L3MBTL3: variants seen among roughly 807,000 people sequenced by gnomAD.
The protein encoded by L3MBTL3 is L3MBTL histone methyl-lysine binding protein 3.
In L3MBTL3, 27 loss-of-function variants were observed where a neutral mutation model predicts 102.3. That is an observed-to-expected ratio of 0.26 (90% CI 0.19 to 0.36). The LOEUF (loss-of-function observed/expected upper bound fraction) is 0.36, where lower values mean the gene tolerates loss of function less well. L3MBTL3 is among the 10% of genes least tolerant of loss of function. The pLI is 1.00. For synonymous variants in L3MBTL3, 340 were observed against 320.9 expected, an observed-to-expected ratio of 1.06 and a Z score of -0.64; for missense variants, 798 against 955.3, an observed-to-expected ratio of 0.84 and a Z score of 2.17.
intron 16 of L3MBTL3, among the ~76,000 whole-genome samples, chr6:130,090,631 TG>T (rs1783985342): frequency 6.6e-6 from 1 of 152,226 alleles, no homozygotes; most frequent in African/African-American, 2.4e-5. Flanking sequence ...GGTCTCACTC[TG>T]TCGCCTAGGC....
At chr6:130,117,684 T>G (rs972827161) in intron 19 of L3MBTL3, among the ~76,000 whole-genome samples, 9 of 152,214 alleles carry the variant, frequency 5.9e-5, no homozygotes, top group Admixed American at 2.0e-4. Flanking sequence ...GGTTGTCCAA[T>G]TGAATAAACA....
At chr6:130,096,068 A>G (rs1433782806) in intron 18 of L3MBTL3, among the ~76,000 whole-genome samples, 1 of 152,226 alleles carries the variant, frequency 6.6e-6, no homozygotes, top group Non-Finnish European at 1.5e-5. Flanking sequence ...ATTGCTTTAC[A>G]TATCTTGGAT....
intron 16 of L3MBTL3, among the ~76,000 whole-genome samples, chr6:130,090,471 G>A (rs752625277): frequency 1.3e-5 from 2 of 152,128 alleles, no homozygotes; most frequent in Non-Finnish European, 2.9e-5. Flanking sequence ...ACCAGCTGTA[G>A]GAATTACCAA....
intron 16 of L3MBTL3, among the ~76,000 whole-genome samples, chr6:130,089,838 G>GC (rs1491288285): frequency 9.7e-5 from 8 of 82,388 alleles, no homozygotes; most frequent in Non-Finnish European, 2.6e-4. Flanking sequence ...ATTTTTCACA[G>GC]CAAAAAAAAA....
At chr6:130,036,499 T>C (rs1478737116) in intron 2 of L3MBTL3, among the ~76,000 whole-genome samples, 2 of 152,234 alleles carry the variant, frequency 1.3e-5, no homozygotes, top group Non-Finnish European at 2.9e-5. Context: ...TCATTAGTAC[T>C]GTTTCATACA....
intron 1 of L3MBTL3, among the ~76,000 whole-genome samples, chr6:130,020,975 A>G (rs1180541838): frequency 1.3e-5 from 2 of 151,612 alleles, no homozygotes; most frequent in Admixed American, 1.3e-4. Context: ...GATGAGAAAT[A>G]AGAATTTGGG....
At chr6:130,056,840 C>T (rs1781541249) in intron 8 of L3MBTL3, among the ~76,000 whole-genome samples, 1 of 152,170 alleles carries the variant, frequency 6.6e-6, no homozygotes, top group South Asian at 2.1e-4. Flanking sequence ...AAGTACCTTT[C>T]TCTCAGCTTT....
intron 22 of L3MBTL3, among the ~76,000 whole-genome samples, chr6:130,139,296 G>A: frequency 6.6e-6 from 1 of 152,082 alleles, no homozygotes; most frequent in East Asian, 1.9e-4. Flanking sequence ...TAGACTTTGG[G>A]CATCCTGGAT....
At chr6:130,115,889 G>A (rs1785639832) in intron 19 of L3MBTL3, among the ~76,000 whole-genome samples, 2 of 152,186 alleles carry the variant, frequency 1.3e-5, no homozygotes, top group African/African-American at 4.8e-5. Flanking sequence ...AAGAGAAATT[G>A]CTGTTTTCCA....
chr6:130,069,469 T>A (rs1387565148), intron 12 of L3MBTL3, among the ~76,000 whole-genome samples: 1 of 152,238 alleles, frequency 6.6e-6, no homozygotes, highest in Non-Finnish European at 1.5e-5. Context: ...ATTACAGAAC[T>A]GACACATTGT....
chr6:130,066,335 C>T lies in L3MBTL3; in HGVS notation c.865-18C>T, dbSNP rs956111784. ...TCTGAGTTAAAAAAAATAATTCAAC[C>T]TATTTTACCTGTTTCAGGTTTGTGG... On this transcript the variant is annotated intron_variant, in intron 10 of 22. Transcript: ENST00000361794. 2.9e-6 allele frequency: 4 copies of T among 1,387,968 alleles called. No homozygotes were observed. In the African/African-American group the frequency reaches 4.5e-5, roughly 16 times the overall value. The allele number at this position is 1,387,968 out of a possible 1,614,324, so 86.0% of individuals were successfully genotyped here. A position where few individuals can be genotyped will look rare whatever the true frequency, so the allele number is the denominator to read the frequency against.
At chr6:130,061,975 G>A (rs949355304) in intron 10 of L3MBTL3, among the ~76,000 whole-genome samples, 6 of 152,132 alleles carry the variant, frequency 3.9e-5, no homozygotes, top group Non-Finnish European at 7.4e-5. Flanking sequence ...TGTGTCTTGC[G>A]CCATGGCAAC....
intron 20 of L3MBTL3, among the ~76,000 whole-genome samples, chr6:130,128,665 T>A (rs1786787654): frequency 1.3e-5 from 2 of 152,146 alleles, no homozygotes; most frequent in South Asian, 4.1e-4. Flanking sequence ...TAACTGACTT[T>A]GAGATGATTG....
At chr6:130,088,666 TCCCACTCCCCAG>T (rs1182288376) in intron 16 of L3MBTL3, among the ~76,000 whole-genome samples, 1 of 152,166 alleles carries the variant, frequency 6.6e-6, no homozygotes, top group African/African-American at 2.4e-5. Context: ...CCTCATTCCT[TCCCACTCCCCAG>T]CCTGGCTCCC....
At chr6:130,107,008 T>A (rs1785024103) in intron 19 of L3MBTL3, among the ~76,000 whole-genome samples, 1 of 152,198 alleles carries the variant, frequency 6.6e-6, no homozygotes, top group Admixed American at 6.5e-5. Flanking sequence ...ATCAGAGGTG[T>A]CCATGTCTAA....
chr6:130,086,444 TTTAG>T (rs1237307721), intron 16 of L3MBTL3, among the ~76,000 whole-genome samples, 194 bp downstream of exon 16: 1 of 152,218 alleles, frequency 6.6e-6, no homozygotes, highest in East Asian at 1.9e-4. Context: ...ACAATTTATC[TTTAG>T]TTATGAATGA....
At chr6:130,110,040 C>G (rs143979748) in intron 19 of L3MBTL3, among the ~76,000 whole-genome samples, 1 of 152,130 alleles carries the variant, frequency 6.6e-6, no homozygotes. Context: ...GGTCTCTGTT[C>G]TCTTCCATTG....
chr6:130,109,034 A>G (rs1785180885), intron 19 of L3MBTL3, among the ~76,000 whole-genome samples: 1 of 151,832 alleles, frequency 6.6e-6, no homozygotes, highest in Non-Finnish European at 1.5e-5. Flanking sequence ...AAGGACATGA[A>G]CTCATTCTTT....
chr6:130,086,843 C>T (rs1783719807), intron 16 of L3MBTL3, among the ~76,000 whole-genome samples: 2 of 152,162 alleles, frequency 1.3e-5, no homozygotes, highest in Admixed American at 1.3e-4. Flanking sequence ...ATTAACTTCA[C>T]CCTCAGACCA....
Sources: gnomAD v4.1 joint callset for allele counts (sites outside exome capture counted in the v4.1 genomes callset) on GRCh38, gnomAD v4.1.1 for gene constraint, MANE v1.5 for transcripts, NCBI Gene and HGNC (gene_info 2026-07-23, HGNC 2026-07-21) for gene names.